The following PSD3 variants were observed in gnomAD, a reference collection of about 807,000 sequenced individuals.
PSD3 encodes the protein PH and SEC7 domain-containing protein 3.
PSD3 carries 49 observed loss-of-function variants against 105.5 expected under a neutral mutation model. The observed-to-expected ratio is 0.46, with a 90% confidence interval of 0.37 to 0.59. The LOEUF (loss-of-function observed/expected upper bound fraction) is 0.59. Among genes scored for constraint, PSD3 ranks in the 20% least tolerant of loss-of-function variants. The pLI is 0.00. For missense variants in PSD3, 1,561 were observed against 1,263.8 expected, an observed-to-expected ratio of 1.24 and a Z score of -3.57; for synonymous variants, 557 against 457.8, an observed-to-expected ratio of 1.22 and a Z score of -2.77.
chr8:19,047,787 G>A (rs552703090), intron 1 of PSD3, among the ~76,000 whole-genome samples: 5 of 152,194 alleles, frequency 3.3e-5, no homozygotes, highest in South Asian at 2.1e-4. Context: ...GAACAAGGAC[G>A]ACAAGGTGTC....
At chr8:18,721,047 G>C (rs982921997) in intron 9 of PSD3, 13 of 151,986 alleles carry the variant, frequency 8.6e-5, no homozygotes, top group African/African-American at 3.1e-4. Context: ...GGTTTTCTTG[G>C]GGAAAGAAGT....
chr8:18,668,593 G>C (rs898802878), intron 9 of PSD3, among the ~76,000 whole-genome samples: 18 of 152,200 alleles, frequency 1.2e-4, no homozygotes, highest in African/African-American at 4.3e-4. Context: ...AGCAGAGCTG[G>C]GTATCTCAGA....
chr8:18,796,254 C>T (rs1468837734), intron 8 of PSD3, among the ~76,000 whole-genome samples: 1 of 152,070 alleles, frequency 6.6e-6, no homozygotes, highest in Admixed American at 6.6e-5. Flanking sequence ...AATTAAAACA[C>T]CTCCCCAGTG....
intron 4 of PSD3, among the ~76,000 whole-genome samples, chr8:18,867,210 A>G (rs1010827468): frequency 3.3e-5 from 5 of 152,194 alleles, no homozygotes; most frequent in African/African-American, 1.2e-4. Context: ...AGGAACTCTC[A>G]GAGCAAAGGG....
intron 9 of PSD3, among the ~76,000 whole-genome samples, chr8:18,763,601 T>C (rs1806724307): frequency 6.7e-6 from 1 of 149,984 alleles, no homozygotes. Context: ...AAAGAGAAAG[T>C]AAAAGACAGA....
In PSD3 at chr8:18,875,522, C is replaced by G. The variant is rs1181870920; in HGVS notation, c.131-2789G>C. Among the ~76,000 whole-genome samples the G allele has an allele frequency of 2.0e-5, 3 of 152,086 alleles. No homozygotes were observed. The East Asian group carries it at 5.8e-4, about 29-fold the overall frequency. On this transcript the variant is annotated intron_variant, in intron 2 of 15. Transcript: ENST00000327040. ...TATTCACAAAACTGTACAACTATCA[C>G]CACTATCTAATTCTAGAACTTTTTT...
intron 4 of PSD3, among the ~76,000 whole-genome samples, chr8:18,815,421 G>A (rs1365028427): frequency 6.6e-6 from 1 of 152,096 alleles, no homozygotes; most frequent in African/African-American, 2.4e-5. Context: ...CGATTCTCCT[G>A]CCTCAGACTC....
At chr8:18,752,544 TATTATATATAATTATATATATTA>T (rs1805622654) in intron 9 of PSD3, among the ~76,000 whole-genome samples, 3 of 15,124 alleles carry the variant, frequency 2.0e-4, no homozygotes, top group African/African-American at 3.2e-4. Context: ...ATATTATATA[TATTATATATAATTATATATATTA>T]TATATATAAT....
intron 10 of PSD3, among the ~76,000 whole-genome samples, chr8:18,638,547 AAC>A (rs541305819): frequency 0.011 from 1,403 of 122,232 alleles, 11 homozygotes; most frequent in South Asian, 0.021. Flanking sequence ...AAAACAAACA[AAC>A]AAAAAAAAAC....
At chr8:19,033,797 T>C (rs1563521102) in intron 1 of PSD3, among the ~76,000 whole-genome samples, 1 of 152,030 alleles carries the variant, frequency 6.6e-6, no homozygotes, top group Non-Finnish European at 1.5e-5. Flanking sequence ...TCTATAACTG[T>C]ATGGATTTTA....
intron 10 of PSD3, among the ~76,000 whole-genome samples, chr8:18,642,343 A>T (rs868209385): frequency 6.6e-6 from 1 of 152,158 alleles, no homozygotes; most frequent in Non-Finnish European, 1.5e-5. Context: ...AAATATACAT[A>T]TATGTATAAA....
intron 1 of PSD3, among the ~76,000 whole-genome samples, chr8:19,019,910 C>T (rs1827308584): frequency 6.6e-6 from 1 of 152,004 alleles, no homozygotes; most frequent in African/African-American, 2.4e-5. Flanking sequence ...AAGAGGAAAA[C>T]TGAGGAGGGA....
intron 9 of PSD3, among the ~76,000 whole-genome samples, chr8:18,749,482 C>T (rs1585824792): frequency 1.3e-5 from 2 of 152,346 alleles, no homozygotes; most frequent in South Asian, 2.1e-4. Flanking sequence ...CTAAGAGTCT[C>T]ATCCCTTGAT....
intron 1 of PSD3, among the ~76,000 whole-genome samples, chr8:19,031,476 T>TATTATGC (rs1554572037): frequency 6.6e-6 from 1 of 152,162 alleles, no homozygotes; most frequent in African/African-American, 2.4e-5. Flanking sequence ...AACAGAGTAC[T>TATTATGC]ATACGGTAAA....
intron 9 of PSD3, among the ~76,000 whole-genome samples, chr8:18,740,306 C>G (rs1183061064): frequency 6.6e-6 from 1 of 152,140 alleles, no homozygotes; most frequent in Non-Finnish European, 1.5e-5. Flanking sequence ...TGGCAACCTA[C>G]TCTCTCTCTC....
chr8:19,021,139 A>T (rs894797937), intron 1 of PSD3, among the ~76,000 whole-genome samples: 1 of 152,222 alleles, frequency 6.6e-6, no homozygotes, highest in East Asian at 1.9e-4. Flanking sequence ...GAGTAAGAAC[A>T]TGCAGAGGAA....
chr8:19,023,062 C>G (rs1827416174), intron 1 of PSD3, among the ~76,000 whole-genome samples: 1 of 152,080 alleles, frequency 6.6e-6, no homozygotes, highest in South Asian at 2.1e-4. Flanking sequence ...CATAGGATAT[C>G]AAGTTAATCA....
chr8:18,773,156 AT>A (rs1807705758), intron 8 of PSD3, among the ~76,000 whole-genome samples: 2 of 152,146 alleles, frequency 1.3e-5, no homozygotes, highest in Admixed American at 6.6e-5. Context: ...TCAGGATTAC[AT>A]TTAGGTCTTT....
intron 10 of PSD3, 48 bp from the exon 11 acceptor site, chr8:18,632,854 T>C (rs931095055): frequency 2.2e-6 from 3 of 1,387,480 alleles, no homozygotes; most frequent in Non-Finnish European, 2.0e-6. Context: ...TATCATAATA[T>C]TCAAAGAAAA....
Sources: allele counts gnomAD v4.1 joint callset (sites outside exome capture counted in the v4.1 genomes callset), GRCh38; gene constraint gnomAD v4.1.1; transcripts MANE v1.5; gene names NCBI Gene and HGNC (gene_info 2026-07-23, HGNC 2026-07-21).